QPCT: variants seen among roughly 807,000 people sequenced by gnomAD.
The protein encoded by QPCT is glutaminyl-peptide cyclotransferase.
Under a neutral mutation model 43.4 loss-of-function variants are expected in QPCT, and 44 were observed. The ratio of observed to expected loss-of-function variants is 1.01; its 90% confidence interval spans 0.80 to 1.30. The LOEUF is 1.30. Ranked by LOEUF, QPCT falls within the 50% of genes most tolerant of loss-of-function variation. QPCT has a pLI of 0.00. For synonymous variants in QPCT, 168 were observed against 168.4 expected (o/e 1.00, Z 0.02); for missense variants, 526 against 436.5 (o/e 1.21, Z -1.83).
chr2:37,360,739 C>G (rs1356034463), intron 3 of QPCT, among the ~76,000 whole-genome samples: 1 of 151,880 alleles, frequency 6.6e-6, no homozygotes, highest in Non-Finnish European at 1.5e-5. Flanking sequence ...TTGTTTATAC[C>G]CTCTCAGTCT....
intron 1 of QPCT, among the ~76,000 whole-genome samples, chr2:37,351,403 A>G (rs1217054131): frequency 1.3e-5 from 2 of 152,240 alleles, no homozygotes; most frequent in Non-Finnish European, 2.9e-5. Flanking sequence ...TACCAGTATC[A>G]TAAGAATATA....
intron 3 of QPCT, among the ~76,000 whole-genome samples, chr2:37,364,328 C>T (rs1331025889): frequency 6.6e-6 from 1 of 152,110 alleles, no homozygotes; most frequent in South Asian, 2.1e-4. Context: ...CAGAAATCTG[C>T]AGGTTGATGG....
chr2:37,372,640 T>C lies in QPCT; in HGVS notation c.941-42T>C, dbSNP rs753553028. On this transcript the variant is annotated intron_variant, in intron 6 of 6. Transcript: ENST00000338415. ...GAATGACCCTTTCTAGTTTACTCAC[T>C]GGAGTAATGCACATTGTTACAAGTT... 3.1e-6 allele frequency: 5 copies of C among 1,592,868 alleles called. No individual in the cohort carries two copies. In the South Asian group the frequency reaches 4.5e-5, roughly 14 times the overall value.
chr2:37,349,299 T>A (rs1170026262), intron 1 of QPCT, among the ~76,000 whole-genome samples: 2 of 152,240 alleles, frequency 1.3e-5, no homozygotes, highest in East Asian at 3.8e-4. Context: ...TCTAGATTCA[T>A]AAGCATCAAT....
intron 5 of QPCT, among the ~76,000 whole-genome samples, chr2:37,371,088 T>C (rs1673063913): frequency 6.6e-6 from 1 of 152,128 alleles, no homozygotes; most frequent in Non-Finnish European, 1.5e-5. Context: ...GAACTTTAGG[T>C]GCATGTCATT....
chr2:37,350,132 G>C (rs1672588780), intron 1 of QPCT, among the ~76,000 whole-genome samples: 1 of 152,158 alleles, frequency 6.6e-6, no homozygotes, highest in African/African-American at 2.4e-5. Flanking sequence ...CAGGTGAAGA[G>C]GAGGGGAAAC....
chr2:37,347,207 C>CATATATATATAACATATAT (rs1431421912), intron 1 of QPCT, among the ~76,000 whole-genome samples: 3 of 28,974 alleles, frequency 1.0e-4, no homozygotes, highest in South Asian at 1.1e-3. Context: ...ATATATATAA[C>CATATATATATAACATATAT]ATATATATAA....
intron 3 of QPCT, among the ~76,000 whole-genome samples, chr2:37,366,723 T>C (rs765064970): frequency 2.6e-5 from 4 of 152,242 alleles, no homozygotes; most frequent in Non-Finnish European, 5.9e-5. Flanking sequence ...GAAGTCGAGC[T>C]GCAGTGCAGG....
Position 37,367,371 on chromosome 2 carries a change from C to T in QPCT, c.686C>T (p.Pro229Leu), listed in dbSNP as rs1181864528. 5 of 1,613,930 alleles carry T rather than the reference C, an allele frequency of 3.1e-6. No individual in the cohort carries two copies. The highest frequency in any genetic ancestry group is 4.2e-6 in the Non-Finnish European group (5 of 1,179,874). Reference sequence around the variant, plus strand: ...GCAAAGATGGCATCGACCCCGCACCCACCTGGAGCGAGAGGCACCAGCCAA... The same window carrying T: ...GCAAAGATGGCATCGACCCCGCACCTACCTGGAGCGAGAGGCACCAGCCAA... ...LAAKMASTPH[P>L]PGARGTSQLH... Residue 229 changes from proline (P) to leucine (L), a missense_variant, in exon 4 of 7, where the codon CCA (proline) becomes CTA (leucine). Transcript: ENST00000338415.
At chr2:37,368,708 A>G (rs568131703) in intron 4 of QPCT, 51 of 471,042 alleles carry the variant, frequency 1.1e-4, no homozygotes, top group Non-Finnish European at 2.0e-4. Context: ...AAAAGCATTC[A>G]GAACATATTC....
At chr2:37,367,019 G>A (rs904872727) in intron 3 of QPCT, 5 of 518,424 alleles carry the variant, frequency 9.6e-6, no homozygotes, top group Non-Finnish European at 1.7e-5. Flanking sequence ...CAGAGGGAAT[G>A]GAAGAAGGTG....
At chr2:37,356,293 C>A (rs1672743692) in intron 2 of QPCT, among the ~76,000 whole-genome samples, 1 of 152,134 alleles carries the variant, frequency 6.6e-6, no homozygotes, top group Non-Finnish European at 1.5e-5. Context: ...TACTCAGTCT[C>A]CATCTATCTC....
intron 2 of QPCT, among the ~76,000 whole-genome samples, 166 bp from the exon 3 acceptor site, chr2:37,359,414 A>C (rs1389043657): frequency 2.0e-5 from 3 of 152,258 alleles, no homozygotes; most frequent in African/African-American, 7.2e-5. Context: ...TATTAATTAC[A>C]ATAACAATAC....
At chr2:37,357,120 C>A (rs1386768568) in intron 2 of QPCT, among the ~76,000 whole-genome samples, 1 of 151,888 alleles carries the variant, frequency 6.6e-6, no homozygotes, top group Non-Finnish European at 1.5e-5. Context: ...GACCTAGTAA[C>A]AAGTTGAGAA....
chr2:37,354,226 G>T (rs1672692691), intron 2 of QPCT, among the ~76,000 whole-genome samples: 1 of 152,188 alleles, frequency 6.6e-6, no homozygotes, highest in Admixed American at 6.5e-5. Context: ...ATATCCATAT[G>T]TCTGTGTCCC....
At chr2:37,363,907 T>A (rs1672905847) in intron 3 of QPCT, among the ~76,000 whole-genome samples, 1 of 152,020 alleles carries the variant, frequency 6.6e-6, no homozygotes, top group Non-Finnish European at 1.5e-5. Flanking sequence ...AACAGTTGGA[T>A]CCTAAAGTAG....
At chr2:37,353,780 T>A (rs1672674254) in intron 2 of QPCT, among the ~76,000 whole-genome samples, 1 of 152,188 alleles carries the variant, frequency 6.6e-6, no homozygotes, top group African/African-American at 2.4e-5. Flanking sequence ...GCCCTTCACA[T>A]CCTCTTCTGA....
At chr2:37,363,459 CAAAAAAA>C (rs760030748) in intron 3 of QPCT, among the ~76,000 whole-genome samples, 5 of 47,848 alleles carry the variant, frequency 1.0e-4, no homozygotes, top group African/African-American at 3.0e-4. Context: ...TCCCTCTCTA[CAAAAAAA>C]AAAAAAAAAA....
chr2:37,347,634 A>G (rs2124930482), intron 1 of QPCT, among the ~76,000 whole-genome samples: 1 of 152,176 alleles, frequency 6.6e-6, no homozygotes, highest in East Asian at 1.9e-4. Context: ...TCCTTCATGC[A>G]GCTTAAAGGT....
Sources: allele counts gnomAD v4.1 joint callset (sites outside exome capture counted in the v4.1 genomes callset), GRCh38; gene constraint gnomAD v4.1.1; transcripts MANE v1.5; gene names NCBI Gene and HGNC (gene_info 2026-07-23, HGNC 2026-07-21).